The following PCSK2 variants were observed in gnomAD, a reference collection of about 807,000 sequenced individuals.
PCSK2 encodes neuroendocrine convertase 2.
A neutral mutation model predicts 69.7 loss-of-function variants in PCSK2; 14 were observed. The observed-to-expected ratio is 0.20, with a 90% CI of 0.13 to 0.31. The LOEUF is 0.31. Among genes scored for constraint, PCSK2 ranks in the 10% least tolerant of loss-of-function variants. PCSK2 has a pLI of 1.00. For missense variants in PCSK2, 544 were observed against 842.5 expected (o/e 0.65, Z 4.39); for synonymous variants, 307 against 320.7 (o/e 0.96, Z 0.46).
chr20:17,250,104 A>C (rs997191647), intron 1 of PCSK2, among the ~76,000 whole-genome samples: 6 of 152,336 alleles, frequency 3.9e-5, no homozygotes, highest in African/African-American at 1.4e-4. Context: ...TAAACATAGC[A>C]AAATTACCAA....
Position 17,227,417 on chromosome 20 carries a change from T to C in PCSK2, c.112T>C (p.Leu38=). ...PVFTNHFLVE[L]HKGGEDKARQ... is the part of the protein sequence containing the mutation. ...CTTCACGAATCATTTTCTTGTGGAG[T>C]TGCATAAAGGGGGAGAGGACAAAGC... The change falls in exon 1 of 12, where the codon TTG becomes CTG. Residue 38 remains leucine (L), a synonymous_variant. Transcript: ENST00000262545. The C allele has an allele frequency of 6.2e-7, 1 of 1,613,770 alleles. No homozygotes were observed. The highest frequency in any genetic ancestry group is 8.5e-7 in the Non-Finnish European group (1 of 1,179,900).
chr20:17,311,534 T>A (rs750815036), intron 2 of PCSK2, among the ~76,000 whole-genome samples: 2 of 152,088 alleles, frequency 1.3e-5, no homozygotes, highest in African/African-American at 2.4e-5. Flanking sequence ...GTGGGTGATT[T>A]ATCATGTCAT....
At chr20:17,281,337 T>C (rs541899059) in intron 2 of PCSK2, among the ~76,000 whole-genome samples, 1 of 152,310 alleles carries the variant, frequency 6.6e-6, no homozygotes, top group East Asian at 1.9e-4. Flanking sequence ...TGATGAAGAA[T>C]GCAGTCCAGA....
intron 5 of PCSK2, among the ~76,000 whole-genome samples, chr20:17,390,087 C>T (rs1446169820): frequency 6.6e-6 from 1 of 152,198 alleles, no homozygotes; most frequent in African/African-American, 2.4e-5. Flanking sequence ...AAACAAACTG[C>T]TGCTGCATAC....
At chr20:17,469,095 C>T (rs1381543273) in intron 11 of PCSK2, among the ~76,000 whole-genome samples, 2 of 152,276 alleles carry the variant, frequency 1.3e-5, no homozygotes, top group Admixed American at 6.5e-5. Flanking sequence ...AAAATAGCTA[C>T]TCTGCACAGT....
chr20:17,479,715 T>G (rs903594722), intron 11 of PCSK2, among the ~76,000 whole-genome samples: 29 of 143,396 alleles, frequency 2.0e-4, no homozygotes, highest in Non-Finnish European at 7.5e-5. Flanking sequence ...AGGAATGGCG[T>G]GAACCCGGGA....
chr20:17,481,262 A>T (rs2033393813), intron 11 of PCSK2, among the ~76,000 whole-genome samples: 1 of 151,848 alleles, frequency 6.6e-6, no homozygotes, highest in South Asian at 2.1e-4. Context: ...CATGCCTGTA[A>T]CCCTGGCTAC....
At chr20:17,424,069 T>C (rs573998465) in intron 6 of PCSK2, among the ~76,000 whole-genome samples, 118 of 152,364 alleles carry the variant, frequency 7.7e-4, no homozygotes, top group Non-Finnish European at 1.3e-3. Context: ...CTATTCCTTA[T>C]GGGTACATGG....
Position 17,278,307 on chromosome 20 carries a change from C to A in PCSK2, c.282+17963C>A, listed in dbSNP as rs544690705. Among the ~76,000 whole-genome samples, 6 of 152,270 alleles carry A rather than the reference C, an allele frequency of 3.9e-5. No homozygotes were observed. The South Asian group carries it at 1.2e-3, about 32-fold the overall frequency. On this transcript the variant is annotated intron_variant, in intron 2 of 11. Transcript: ENST00000262545. ...ATGGCACTATTCACAATAGCAAAGA[C>A]TTGGAATGAACCCAAATGTCCAACA...
chr20:17,313,173 A>G lies in PCSK2; in HGVS notation c.283-45154A>G, dbSNP rs188942159. ...ACACATGATCAATATTCTAAACTACATTAGTGAGATAGTTACACTCTTATT... is the reference window on the plus strand; with the variant it reads ...ACACATGATCAATATTCTAAACTACGTTAGTGAGATAGTTACACTCTTATT... On this transcript the variant is annotated intron_variant, in intron 2 of 11. Coordinates refer to ENST00000262545, the MANE Select transcript of PCSK2 (RefSeq NM_002594.5). 2.0e-5 allele frequency among the ~76,000 whole-genome samples: 3 copies of G among 152,340 alleles called. No homozygotes were observed. In the East Asian group the frequency reaches 5.8e-4, roughly 29 times the overall value.
chr20:17,450,910 T>C (rs1600590563), intron 8 of PCSK2, among the ~76,000 whole-genome samples: 1 of 152,228 alleles, frequency 6.6e-6, no homozygotes, highest in East Asian at 1.9e-4. Flanking sequence ...CAAACCAAAG[T>C]AGGGTGGCAT....
intron 2 of PCSK2, among the ~76,000 whole-genome samples, chr20:17,339,169 G>A (rs77577373): frequency 0.018 from 2,743 of 152,274 alleles, 31 homozygotes; most frequent in Non-Finnish European, 0.026. Context: ...ATTGTGAAAC[G>A]AGACACGATG....
chr20:17,238,074 G>A (rs1448188325), intron 1 of PCSK2, among the ~76,000 whole-genome samples: 1 of 152,126 alleles, frequency 6.6e-6, no homozygotes, highest in Non-Finnish European at 1.5e-5. Context: ...AAAATGGTAA[G>A]GCCTATCCAA....
chr20:17,254,549 A>G (rs533403837), intron 1 of PCSK2, among the ~76,000 whole-genome samples: 45 of 152,328 alleles, frequency 3.0e-4, no homozygotes, highest in African/African-American at 1.1e-3. Flanking sequence ...GTTTTATTCC[A>G]TTAAACTACT....
intron 7 of PCSK2, among the ~76,000 whole-genome samples, chr20:17,430,326 A>C (rs2032338286): frequency 6.6e-6 from 1 of 152,158 alleles, no homozygotes; most frequent in Admixed American, 6.5e-5. Context: ...TTTTGCATCA[A>C]ATTGATTCTT....
intron 2 of PCSK2, among the ~76,000 whole-genome samples, chr20:17,270,036 C>T (rs1295569551): frequency 2.0e-5 from 3 of 152,010 alleles, no homozygotes; most frequent in Non-Finnish European, 4.4e-5. Context: ...ACCTCTGCTT[C>T]AAAATAAATT....
At chr20:17,327,422 G>T (rs1990091379) in intron 2 of PCSK2, among the ~76,000 whole-genome samples, 1 of 152,168 alleles carries the variant, frequency 6.6e-6, no homozygotes, top group Admixed American at 6.5e-5. Context: ...CGGCCTAACT[G>T]TAAGTCTCGT....
intron 6 of PCSK2, among the ~76,000 whole-genome samples, chr20:17,422,702 A>G (rs1600567945): frequency 6.6e-6 from 1 of 152,214 alleles, no homozygotes; most frequent in East Asian, 1.9e-4. Context: ...GAACAACAGC[A>G]AGATGGGAAG....
chr20:17,414,773 G>A (rs943794542), intron 6 of PCSK2, among the ~76,000 whole-genome samples: 4 of 152,192 alleles, frequency 2.6e-5, no homozygotes, highest in African/African-American at 9.7e-5. Flanking sequence ...GAACATTGAT[G>A]CAAAAATCCT....
Sources: gnomAD v4.1 joint callset for allele counts (sites outside exome capture counted in the v4.1 genomes callset) on GRCh38, gnomAD v4.1.1 for gene constraint, MANE v1.5 for transcripts, NCBI Gene and HGNC (gene_info 2026-07-23, HGNC 2026-07-21) for gene names.